Variants in RCOR1 observed in about 807,000 individuals in gnomAD.
RCOR1 encodes REST corepressor 1, also known as REST corepressor.
In RCOR1, 12 loss-of-function variants were observed where a neutral mutation model predicts 64.0. The observed-to-expected ratio is 0.19, with a 90% CI of 0.12 to 0.30. The LOEUF (loss-of-function observed/expected upper bound fraction) is 0.30. RCOR1 is among the 10% of genes least tolerant of loss of function. RCOR1 has a pLI of 1.00. For synonymous variants in RCOR1, 279 were observed against 227.2 expected (o/e 1.23, Z -2.05); for missense variants, 502 against 621.2 (o/e 0.81, Z 2.04).
intron 2 of RCOR1, among the ~76,000 whole-genome samples, chr14:102,619,431 C>G (rs927627121): frequency 6.7e-6 from 1 of 149,748 alleles, no homozygotes; most frequent in Non-Finnish European, 1.5e-5. Context: ...ATGCCTCTAT[C>G]TATCTATCTG....
At chr14:102,631,820 A>T (rs539087194) in intron 2 of RCOR1, among the ~76,000 whole-genome samples, 2 of 151,396 alleles carry the variant, frequency 1.3e-5, no homozygotes, top group African/African-American at 4.9e-5. Context: ...TCTTTTTTTG[A>T]GACAGGGTCT....
intron 2 of RCOR1, among the ~76,000 whole-genome samples, chr14:102,675,684 T>G (rs77779893): frequency 0.023 from 3,560 of 152,242 alleles, 133 homozygotes; most frequent in African/African-American, 0.076. Flanking sequence ...GAAAGCAAAT[T>G]CCAATGCGGG....
intron 2 of RCOR1, among the ~76,000 whole-genome samples, chr14:102,617,852 T>C (rs1893794004): frequency 1.3e-5 from 2 of 152,028 alleles, no homozygotes; most frequent in Non-Finnish European, 2.9e-5. Context: ...CTTCCCACAG[T>C]CCTGGGATTA....
intron 7 of RCOR1, among the ~76,000 whole-genome samples, chr14:102,712,957 T>TG (rs1895991626): frequency 7.1e-6 from 1 of 140,358 alleles, no homozygotes; most frequent in Non-Finnish European, 1.5e-5. Flanking sequence ...GTTTTTTTTT[T>TG]TTTTTTTTTT....
At chr14:102,707,289 T>C (rs1895876460) in intron 4 of RCOR1, 62 bp from the exon 5 acceptor site, 2 of 1,369,780 alleles carry the variant, frequency 1.5e-6, no homozygotes, top group Non-Finnish European at 2.0e-6. Context: ...CTTTTGCTGG[T>C]CTCATTTCCA....
intron 2 of RCOR1, among the ~76,000 whole-genome samples, chr14:102,631,365 G>A (rs1173499209): frequency 1.3e-5 from 2 of 151,688 alleles, no homozygotes; most frequent in Non-Finnish European, 2.9e-5. Context: ...ACCATGCCCA[G>A]CTAATTTTTT....
chr14:102,609,789 G>T (rs80192924), intron 2 of RCOR1, among the ~76,000 whole-genome samples: 4,324 of 151,836 alleles, frequency 0.028, 210 homozygotes, highest in African/African-American at 0.1. Flanking sequence ...GGAGTTACTC[G>T]ATCCTTCCCT....
intron 2 of RCOR1, chr14:102,659,074 G>A: frequency 1.1e-6 from 1 of 947,280 alleles, no homozygotes; most frequent in Non-Finnish European, 1.3e-6. Context: ...TAAATTATTT[G>A]AAATTCTCCC....
intron 4 of RCOR1, among the ~76,000 whole-genome samples, chr14:102,705,413 G>A (rs1288001039): frequency 1.3e-5 from 2 of 152,160 alleles, no homozygotes; most frequent in African/African-American, 2.4e-5. Context: ...AAGGTGTAAT[G>A]TGCAACTTAA....
intron 3 of RCOR1, among the ~76,000 whole-genome samples, chr14:102,684,754 T>G (rs1895380542): frequency 6.6e-6 from 1 of 152,218 alleles, no homozygotes; most frequent in African/African-American, 2.4e-5. Flanking sequence ...ATAAGTGAGA[T>G]GATAGATTAT....
At chr14:102,708,677 C>T in intron 6 of RCOR1, 94 bp downstream of exon 6, 1 of 700,012 alleles carries the variant, frequency 1.4e-6, no homozygotes. Flanking sequence ...GGTTTTCCCT[C>T]CGCGCCTTCC....
At chr14:102,609,218 G>A (rs2139887762) in intron 2 of RCOR1, among the ~76,000 whole-genome samples, 1 of 150,596 alleles carries the variant, frequency 6.6e-6, no homozygotes, top group Admixed American at 6.6e-5. Context: ...GCTAATTTTT[G>A]TATTTTTAGT....
At chr14:102,609,190 T>C in intron 2 of RCOR1, among the ~76,000 whole-genome samples, 1 of 150,848 alleles carries the variant, frequency 6.6e-6, no homozygotes, top group African/African-American at 2.4e-5. Flanking sequence ...GGGTTACATG[T>C]GCATGCCACT....
At chr14:102,598,009 A>G (rs1428693707) in intron 2 of RCOR1, among the ~76,000 whole-genome samples, 1 of 152,036 alleles carries the variant, frequency 6.6e-6, no homozygotes, top group Non-Finnish European at 1.5e-5. Context: ...TTTAGTAGGG[A>G]TAGGGTTTCT....
chr14:102,621,367 CTTTTT>C (rs35481023), intron 2 of RCOR1, among the ~76,000 whole-genome samples: 67 of 78,516 alleles, frequency 8.5e-4, no homozygotes, highest in African/African-American at 2.9e-3. Context: ...CAGTCTTTGT[CTTTTT>C]TTTTTTTTTT....
intron 2 of RCOR1, among the ~76,000 whole-genome samples, chr14:102,629,449 C>T (rs563461097): frequency 6.6e-6 from 1 of 151,734 alleles, no homozygotes; most frequent in Non-Finnish European, 1.5e-5. Flanking sequence ...GCCTCCCCCC[C>T]CCCCACCACT....
intron 2 of RCOR1, among the ~76,000 whole-genome samples, chr14:102,635,882 G>A (rs1174528874): frequency 2.0e-5 from 3 of 152,108 alleles, no homozygotes; most frequent in Non-Finnish European, 1.5e-5. Flanking sequence ...ATTGCAGTGG[G>A]CTATGATTGA....
At chr14:102,649,661 G>A (rs1247847175) in intron 2 of RCOR1, 1 of 293,922 alleles carries the variant, frequency 3.4e-6, no homozygotes, top group Non-Finnish European at 5.0e-6. Flanking sequence ...CAGCAGTTAA[G>A]ACCTCCACTG....
intron 2 of RCOR1, among the ~76,000 whole-genome samples, chr14:102,604,253 A>T (rs1309086405): frequency 1.3e-5 from 2 of 152,216 alleles, no homozygotes; most frequent in Non-Finnish European, 2.9e-5. Context: ...TTATAGTAGC[A>T]TATAGGTTAA....
Sources: allele counts gnomAD v4.1 joint callset (sites outside exome capture counted in the v4.1 genomes callset), GRCh38; gene constraint gnomAD v4.1.1; transcripts MANE v1.5; gene names NCBI Gene and HGNC (gene_info 2026-07-23, HGNC 2026-07-21).